FAM222B: variants seen among roughly 807,000 people sequenced by gnomAD.
FAM222B encodes the protein protein FAM222B.
Under a neutral mutation model 38.0 loss-of-function variants are expected in FAM222B, and 12 were observed. The ratio of observed to expected loss-of-function variants is 0.32; its 90% CI spans 0.20 to 0.51. The LOEUF (loss-of-function observed/expected upper bound fraction) is 0.51. FAM222B is among the 20% of genes least tolerant of loss of function. The probability of loss-of-function intolerance (pLI) is 0.97; values close to 1 mark genes in which losing one functional copy is unlikely to be tolerated. For synonymous variants in FAM222B, 329 were observed against 317.2 expected (o/e 1.04, Z -0.40); for missense variants, 716 against 754.2 (o/e 0.95, Z 0.59).
chr17:28,810,467 TATATACTA>T (rs2151923202), intron 1 of FAM222B, among the ~76,000 whole-genome samples: 1 of 151,972 alleles, frequency 6.6e-6, no homozygotes, highest in South Asian at 2.1e-4. Context: ...AACTTTGTTT[TATATACTA>T]GCTAACTTTG....
rs555656958 is a variant in FAM222B at position 28,770,939 on chromosome 17, A to G, written c.-40-4232T>C. Among the ~76,000 whole-genome samples, 805 of 151,150 alleles carry G rather than the reference A, an allele frequency of 5.3e-3. 1 individual carries two copies. The highest frequency in any genetic ancestry group is 8.4e-3 in the Non-Finnish European group (568 of 67,960). ...TCACAATGTCTATGATTAAGAGGCA[A>G]TTATATATATATATGTGTGTGTGTA... On this transcript the variant is annotated intron_variant, in intron 1 of 2. Coordinates refer to ENST00000581407, the MANE Select transcript of FAM222B (RefSeq NM_001077498.3).
At position 28,758,259 on chromosome 17, in the gene FAM222B, A is replaced by G. The variant is rs1338770989; in HGVS notation, c.*11T>C. On this transcript the variant is annotated 3_prime_UTR_variant, in exon 3 of 3. Transcript: ENST00000581407. Reference sequence around the variant, plus strand: ...GTATGATGTGTTGCACGTGGAGGGCAGCAGGGCTACCTATCTATACCCTGG... The same window carrying G: ...GTATGATGTGTTGCACGTGGAGGGCGGCAGGGCTACCTATCTATACCCTGG... The G allele has an allele frequency of 3.2e-6, 5 of 1,549,916 alleles. No individual in the cohort carries two copies. Among genetic ancestry groups the G allele is most frequent in the Admixed American group, 2.0e-5 (1 of 50,238 alleles).
intron 1 of FAM222B, among the ~76,000 whole-genome samples, chr17:28,852,510 C>T (rs2058978934): frequency 6.6e-6 from 1 of 151,406 alleles, no homozygotes; most frequent in Non-Finnish European, 1.5e-5. Context: ...ATGTGGTGGC[C>T]CGCATCTGTA....
intron 2 of FAM222B, among the ~76,000 whole-genome samples, chr17:28,765,929 A>G (rs1321377037): frequency 1.3e-5 from 2 of 152,226 alleles, no homozygotes; most frequent in African/African-American, 4.8e-5. Flanking sequence ...ATGGTAGACT[A>G]CTAAGAGAGT....
At chr17:28,770,956 GTGTGTGTATAAATA>G (rs2151801313) in intron 1 of FAM222B, among the ~76,000 whole-genome samples, 1 of 151,146 alleles carries the variant, frequency 6.6e-6, no homozygotes, top group African/African-American at 2.4e-5. Context: ...ATATATATGT[GTGTGTGTATAAATA>G]TGTGTGTGTA....
chr17:28,806,153 A>C (rs2151913347), intron 1 of FAM222B, among the ~76,000 whole-genome samples: 1 of 147,130 alleles, frequency 6.8e-6, no homozygotes, highest in East Asian at 2.0e-4. Flanking sequence ...ACTCCAACTA[A>C]AAAAAAAAAA....
In FAM222B at chr17:28,825,675, A is replaced by G. The variant is rs574038169; in HGVS notation, c.-41+17007T>C. 3.3e-5 allele frequency among the ~76,000 whole-genome samples: 5 copies of G among 152,308 alleles called. No individual in the cohort carries two copies. The South Asian group carries it at 1.0e-3, about 32-fold the overall frequency. On this transcript the variant is annotated intron_variant, in intron 1 of 2. Transcript: ENST00000581407. ...CATATACTCCTAGATCTTAAATGCCATATCCTTAGAGAGATATTCTCCCAA... is the reference window on the plus strand; with the variant it reads ...CATATACTCCTAGATCTTAAATGCCGTATCCTTAGAGAGATATTCTCCCAA...
Position 28,759,623 on chromosome 17 carries a change from T to TA in FAM222B, c.335dup (p.Leu113ThrfsTer5). 1 of 1,612,876 alleles carries TA rather than the reference T, an allele frequency of 6.2e-7. No homozygotes were observed. The highest frequency in any genetic ancestry group is 8.5e-7 in the Non-Finnish European group (1 of 1,179,482). ...CTCGGGTGCCGTCAAAGTCCTTGAG[T>TA]ATGCTTTTGGCTGGCACTTTGACAA... On this transcript the variant is annotated frameshift_variant, in exon 3 of 3. Coordinates refer to ENST00000581407, the MANE Select transcript of FAM222B (RefSeq NM_001077498.3). LOFTEE classifies it high-confidence loss of function. This position sits in a 1 kb window ranked among gnomAD's most constrained non-coding sequence, Gnocchi z 4.8.
chr17:28,822,389 G>A (rs1436461345), intron 1 of FAM222B, among the ~76,000 whole-genome samples: 2 of 148,782 alleles, frequency 1.3e-5, no homozygotes, highest in East Asian at 2.2e-4. Flanking sequence ...TTGGGAGGCC[G>A]AAGGCAGGTG....
intron 1 of FAM222B, among the ~76,000 whole-genome samples, chr17:28,838,256 C>T (rs1456609080): frequency 6.6e-6 from 1 of 151,986 alleles, no homozygotes; most frequent in African/African-American, 2.4e-5. Context: ...GCACTCCAGT[C>T]TGGGCGACAG....
intron 1 of FAM222B, among the ~76,000 whole-genome samples, chr17:28,826,866 C>T (rs2038459605): frequency 6.6e-6 from 1 of 151,958 alleles, no homozygotes. Context: ...TGAAAAAGGG[C>T]CAGGCACTCA....
intron 1 of FAM222B, among the ~76,000 whole-genome samples, chr17:28,791,722 C>T (rs920470255): frequency 6.0e-5 from 8 of 132,254 alleles, no homozygotes; most frequent in Non-Finnish European, 6.2e-5. Context: ...GGCTGGAGTG[C>T]GATCTCGGCT....
intron 1 of FAM222B, among the ~76,000 whole-genome samples, chr17:28,839,621 T>C (rs1035068119): frequency 6.6e-6 from 1 of 152,320 alleles, no homozygotes; most frequent in African/African-American, 2.4e-5. Context: ...AAGATAGCTA[T>C]GCCCAGCTTT....
intron 1 of FAM222B, among the ~76,000 whole-genome samples, chr17:28,820,565 AC>A (rs544513405): frequency 1.3e-5 from 2 of 152,220 alleles, no homozygotes; most frequent in Non-Finnish European, 2.9e-5. Flanking sequence ...AGGCCTTTAA[AC>A]ATTCAGCAAT....
At chr17:28,788,091 TG>T (rs2036501578) in intron 1 of FAM222B, among the ~76,000 whole-genome samples, 1 of 152,226 alleles carries the variant, frequency 6.6e-6, no homozygotes, top group Non-Finnish European at 1.5e-5. Context: ...CCCAAAGTGC[TG>T]GGATTACAGG....
At position 28,759,872 on chromosome 17, in the gene FAM222B, G is replaced by A; in HGVS notation, c.87C>T (p.Asp29=). The A allele has an allele frequency of 6.6e-7, 1 of 1,523,534 alleles. No individual in the cohort carries two copies. The highest frequency in any genetic ancestry group is 8.8e-7 in the Non-Finnish European group (1 of 1,130,744). 94.4% of individuals were successfully genotyped at this position (1,523,534 alleles called of 1,614,324 possible). A position where few individuals can be genotyped will look rare whatever the true frequency, so the allele number is the denominator to read the frequency against. The change falls in exon 3 of 3, where the codon GAC becomes GAT. Residue 29 remains aspartate, a synonymous_variant. Coordinates refer to ENST00000581407, the MANE Select transcript of FAM222B (RefSeq NM_001077498.3). The surrounding 1 kb of genome is among the most constrained non-coding windows in gnomAD (Gnocchi z 4.8). ...TQMNTGLQKW[D]TTQKMRTAHY... ...GAGCAGTTCTCATTTTCTGTGTAGT[G>A]TCCCCTAGAGAGAGAGAATGGGAAG...
chr17:28,828,574 AAAAAAAC>A (rs1010705679), intron 1 of FAM222B, among the ~76,000 whole-genome samples: 14 of 151,888 alleles, frequency 9.2e-5, no homozygotes, highest in African/African-American at 4.8e-5. Flanking sequence ...TCACGAAAAA[AAAAAAAC>A]AAAAAACATA....
intron 1 of FAM222B, among the ~76,000 whole-genome samples, chr17:28,776,644 T>TG (rs2035912508): frequency 6.6e-6 from 1 of 151,400 alleles, no homozygotes; most frequent in Non-Finnish European, 1.5e-5. Context: ...TTTGAAGAGA[T>TG]GGGGTCTCAC....
chr17:28,760,134 T>C (rs908807682), intron 2 of FAM222B, among the ~76,000 whole-genome samples: 2 of 152,364 alleles, frequency 1.3e-5, no homozygotes, highest in Admixed American at 1.3e-4. Flanking sequence ...ACTATTGCTG[T>C]AGAAGCAGGC....
Sources: allele counts gnomAD v4.1 joint callset (sites outside exome capture counted in the v4.1 genomes callset), GRCh38; gene constraint gnomAD v4.1.1; non-coding constraint Gnocchi (gnomAD v3.1); transcripts MANE v1.5; gene names NCBI Gene and HGNC (gene_info 2026-07-23, HGNC 2026-07-21).